The following DACH1 variants were observed in gnomAD, a reference collection of about 807,000 sequenced individuals.
DACH1 encodes dachshund homolog 1.
In DACH1, 12 loss-of-function variants were observed where a neutral mutation model predicts 54.2. The ratio of observed to expected loss-of-function variants is 0.22; its 90% CI spans 0.14 to 0.36. The LOEUF (loss-of-function observed/expected upper bound fraction) is 0.36, where lower values mean the gene tolerates loss of function less well. Ranked by LOEUF, DACH1 falls within the 10% of genes least tolerant of loss-of-function variation. DACH1 has a pLI of 1.00. For missense variants in DACH1, 805 were observed against 929.8 expected, an observed-to-expected ratio of 0.87 and a Z score of 1.75; for synonymous variants, 386 against 366.2, an observed-to-expected ratio of 1.05 and a Z score of -0.62.
At chr13:71,555,834 T>C (rs1046460963) in intron 6 of DACH1, among the ~76,000 whole-genome samples, 25 of 152,240 alleles carry the variant, frequency 1.6e-4, no homozygotes, top group Admixed American at 1.2e-3. Flanking sequence ...GAATGCCTAA[T>C]ATAAATAGCA....
intron 1 of DACH1, among the ~76,000 whole-genome samples, chr13:71,791,772 T>G (rs1377901815): frequency 2.6e-5 from 4 of 152,224 alleles, no homozygotes; most frequent in Admixed American, 1.3e-4. Context: ...CAATAAAGTT[T>G]CATCAAAACT....
chr13:71,767,670 G>T (rs993446313), intron 1 of DACH1, among the ~76,000 whole-genome samples: 2 of 151,998 alleles, frequency 1.3e-5, no homozygotes, highest in South Asian at 4.1e-4. Flanking sequence ...CAAAAAGCAT[G>T]GTTGTTATTT....
In DACH1 at chr13:71,706,282, A is replaced by G. The variant is rs569529630; in HGVS notation, c.849-24372T>C. Among the ~76,000 whole-genome samples, 95 of 151,598 alleles carry G rather than the reference A, an allele frequency of 6.3e-4. 2 individuals carry two copies. The highest frequency in any genetic ancestry group is 9.8e-4 in the Admixed American group (15 of 15,230). On this transcript the variant is annotated intron_variant, in intron 1 of 10. Coordinates refer to ENST00000613252, the MANE Select transcript of DACH1 (RefSeq NM_080759.6). ...TATTATTAATCTTTATATTAATTAA[A>G]ACATATTATTAGCCTTTCATCCATT...
chr13:71,595,342 A>G (rs988785644), intron 3 of DACH1, among the ~76,000 whole-genome samples: 3 of 152,108 alleles, frequency 2.0e-5, no homozygotes, highest in African/African-American at 4.8e-5. Context: ...TTCACTGATT[A>G]TGAAATAGGA....
rs577411921 is a variant in DACH1, at chr13:71,489,139, G to A, written c.1580C>T (p.Pro527Leu). The A allele has an allele frequency of 7.8e-5, 126 of 1,613,022 alleles. No homozygotes were observed. The South Asian group carries it at 8.0e-4, about 10-fold the overall frequency. Residue 527 changes from proline to leucine, a missense_variant, in exon 7 of 11, where the codon CCG becomes CTG. Coordinates refer to ENST00000613252, the MANE Select transcript of DACH1 (RefSeq NM_080759.6). ...GTCTCTTGCGGTTGGTGTAGAAAGC[G>A]GGGTCTCATCTGCATGTGATTGAAA... ...KRMHIEKDET[P>L]LSTPTARDSL...
At chr13:71,672,450 T>C (rs1176144450) in intron 2 of DACH1, among the ~76,000 whole-genome samples, 1 of 152,108 alleles carries the variant, frequency 6.6e-6, no homozygotes, top group African/African-American at 2.4e-5. Flanking sequence ...AGAGTAAAGT[T>C]CTGAAACTTA....
chr13:71,782,311 G>T (rs1293265954), intron 1 of DACH1, among the ~76,000 whole-genome samples: 1 of 152,008 alleles, frequency 6.6e-6, no homozygotes, highest in African/African-American at 2.4e-5. Flanking sequence ...GCATGGTGAT[G>T]CATGCCTGTA....
intron 5 of DACH1, among the ~76,000 whole-genome samples, chr13:71,557,842 TAA>T (rs569104411): frequency 5.6e-4 from 49 of 87,960 alleles, no homozygotes; most frequent in Admixed American, 9.4e-4. Flanking sequence ...TGGCCTGTAC[TAA>T]AAAAAAAAAA....
At chr13:71,677,372 C>G (rs889292503) in intron 2 of DACH1, among the ~76,000 whole-genome samples, 1 of 152,134 alleles carries the variant, frequency 6.6e-6, no homozygotes, top group Non-Finnish European at 1.5e-5. Flanking sequence ...GTTGCTATGG[C>G]ATCCGGTGAC....
chr13:71,599,471 G>A (rs1874340265), intron 3 of DACH1, among the ~76,000 whole-genome samples: 1 of 152,042 alleles, frequency 6.6e-6, no homozygotes, highest in South Asian at 2.1e-4. Flanking sequence ...ACAGGCAAAA[G>A]TTTTGTATCT....
At chr13:71,466,623 G>A (rs1420448474) in intron 10 of DACH1, among the ~76,000 whole-genome samples, 2 of 152,010 alleles carry the variant, frequency 1.3e-5, no homozygotes, top group Non-Finnish European at 2.9e-5. Flanking sequence ...CAAGTGGATC[G>A]CTTGAGCTCA....
At position 71,584,488 on chromosome 13, in the gene DACH1, G is replaced by A. The variant is rs138687932; in HGVS notation, c.1127-11476C>T. Among the ~76,000 whole-genome samples the A allele has an allele frequency of 4.8e-3, 730 of 152,090 alleles. 6 individuals are homozygous for A. The highest frequency in any genetic ancestry group is 0.017 in the African/African-American group (704 of 41,514). ...ACGACTTGTCTTTTAATACTTGTGT[G>A]TGCAAATTACTATGATGGGTGTTTT... On this transcript the variant is annotated intron_variant, in intron 3 of 10. Coordinates refer to ENST00000613252, the MANE Select transcript of DACH1 (RefSeq NM_080759.6).
rs186436812 is a variant in DACH1 at position 71,456,110 on chromosome 13, T to C, written c.2084-15418A>G. On this transcript the variant is annotated intron_variant, in intron 10 of 10. Transcript: ENST00000613252. ...AATTTCAGGAAACATCTGAGCACTATGGACTTATAATTTACATCTTTTGAA... is the reference window on the plus strand; with the variant it reads ...AATTTCAGGAAACATCTGAGCACTACGGACTTATAATTTACATCTTTTGAA... Among the ~76,000 whole-genome samples the C allele has an allele frequency of 1.3e-3, 199 of 152,248 alleles. 1 individual carries two copies. The highest frequency in any genetic ancestry group is 1.4e-3 in the Non-Finnish European group (97 of 67,988).
At chr13:71,813,597 T>C (rs1009412038) in intron 1 of DACH1, among the ~76,000 whole-genome samples, 7 of 152,148 alleles carry the variant, frequency 4.6e-5, no homozygotes, top group African/African-American at 1.7e-4. Context: ...AAAGCAATCA[T>C]AGCACAGAAT....
At chr13:71,792,339 TACAC>T (rs140037316) in intron 1 of DACH1, among the ~76,000 whole-genome samples, 5,027 of 148,464 alleles carry the variant, frequency 0.034, 218 homozygotes, top group African/African-American at 0.1. Flanking sequence ...AAGTGTTTTG[TACAC>T]ACACACACAC....
intron 1 of DACH1, among the ~76,000 whole-genome samples, chr13:71,762,114 C>T (rs1885422556): frequency 2.0e-5 from 3 of 151,986 alleles, no homozygotes; most frequent in East Asian, 1.9e-4. Context: ...AACTAAGACT[C>T]GGTGAGGTAA....
At chr13:71,848,711 G>T (rs1305439030) in intron 1 of DACH1, among the ~76,000 whole-genome samples, 1 of 151,802 alleles carries the variant, frequency 6.6e-6, no homozygotes, top group Non-Finnish European at 1.5e-5. Flanking sequence ...TGTACAGATG[G>T]GGGGGTTCTC....
chr13:71,488,903 A>G, intron 7 of DACH1, 94 bp downstream of exon 7: 2 of 1,223,812 alleles, frequency 1.6e-6, no homozygotes, highest in South Asian at 3.0e-5. Flanking sequence ...AGTCAGTCTA[A>G]TGGGATTAAG....
At chr13:71,675,035 A>T in intron 2 of DACH1, 2 of 827,290 alleles carry the variant, frequency 2.4e-6, no homozygotes, top group East Asian at 2.5e-5. Flanking sequence ...GCCGAAGAGA[A>T]GGGGGGTAAG....
Sources: allele counts gnomAD v4.1 joint callset (sites outside exome capture counted in the v4.1 genomes callset), GRCh38; gene constraint gnomAD v4.1.1; transcripts MANE v1.5; gene names NCBI Gene and HGNC (gene_info 2026-07-23, HGNC 2026-07-21).